SHANK2: variants seen among roughly 807,000 people sequenced by gnomAD.
SHANK2 encodes SH3 and multiple ankyrin repeat domains protein 2.
SHANK2 carries 43 observed loss-of-function variants against 133.7 expected under a neutral mutation model. That is an observed-to-expected ratio of 0.32 (90% CI 0.25 to 0.41). SHANK2 has a LOEUF of 0.41. Ranked by LOEUF, SHANK2 falls within the 10% of genes least tolerant of loss-of-function variation. The pLI is 1.00. For synonymous variants in SHANK2, 1,017 were observed against 952.8 expected (o/e 1.07, Z -1.24); for missense variants, 1,994 against 2,235.8 (o/e 0.89, Z 2.18).
intron 15 of SHANK2, among the ~76,000 whole-genome samples, chr11:70,686,497 C>T (rs1945158185): frequency 6.6e-6 from 1 of 152,004 alleles, no homozygotes; most frequent in South Asian, 2.1e-4. Flanking sequence ...TCCAGCCATC[C>T]ATCATCTGTC....
intron 10 of SHANK2, among the ~76,000 whole-genome samples, chr11:70,909,535 G>A (rs75533996): frequency 0.064 from 9,685 of 152,286 alleles, 437 homozygotes; most frequent in Non-Finnish European, 0.094. Context: ...CATGCCTTGA[G>A]GAAGTAGAGC....
intron 11 of SHANK2, among the ~76,000 whole-genome samples, chr11:70,889,249 G>A (rs1351670622): frequency 6.6e-6 from 1 of 152,216 alleles, no homozygotes; most frequent in African/African-American, 2.4e-5. Flanking sequence ...GGGAAGCCAT[G>A]TGAAGACAGA....
intron 10 of SHANK2, chr11:70,952,790 C>A (rs1555086969): frequency 3.6e-6 from 1 of 279,790 alleles, no homozygotes; most frequent in Non-Finnish European, 7.4e-6. Context: ...AACTGACACC[C>A]ACCTATGGTC....
intron 10 of SHANK2, among the ~76,000 whole-genome samples, chr11:70,914,981 G>T (rs2135739023): frequency 6.6e-6 from 1 of 151,790 alleles, no homozygotes; most frequent in Non-Finnish European, 1.5e-5. Context: ...CAGGAATCTT[G>T]TAGGCTACAA....
At chr11:71,245,275 C>T (rs557417968) in intron 1 of SHANK2, among the ~76,000 whole-genome samples, 5 of 152,060 alleles carry the variant, frequency 3.3e-5, no homozygotes, top group Non-Finnish European at 5.9e-5. Context: ...CCACCTCGAC[C>T]GGCCTCACCA....
chr11:70,643,203 A>G (rs2061210433), intron 17 of SHANK2, among the ~76,000 whole-genome samples: 1 of 152,248 alleles, frequency 6.6e-6, no homozygotes, highest in African/African-American at 2.4e-5. Context: ...GAACTTTTGC[A>G]TAACATTTAT....
rs2135652195 is a variant in SHANK2, at chr11:70,471,291, A to ATAAT, written c.*1574_*1577dup. 2.5e-6 allele frequency: 1 copy of ATAAT among 398,882 alleles called. No individual in the cohort carries two copies. Among genetic ancestry groups the ATAAT allele is most frequent in the East Asian group, 3.6e-5 (1 of 28,084 alleles). The allele number at this position is 398,882 out of a possible 1,614,324, so 24.7% of individuals were successfully genotyped here. On this transcript the variant is annotated 3_prime_UTR_variant, in exon 26 of 26. Transcript: ENST00000601538. The surrounding 1 kb of genome is among the most constrained non-coding windows in gnomAD (Gnocchi z 4.1). ...AAAAAAAAAAACAAAACCATGTTTT[A>ATAAT]TAATTAGAGATGGGCTGAGCTAGTT...
intron 17 of SHANK2, among the ~76,000 whole-genome samples, chr11:70,504,923 C>A (rs2059115867): frequency 6.6e-6 from 1 of 151,938 alleles, no homozygotes; most frequent in Admixed American, 6.6e-5. Context: ...GGCTGTTGCT[C>A]ATTCATTCAT....
intron 9 of SHANK2, among the ~76,000 whole-genome samples, chr11:71,070,647 T>C (rs1951131028): frequency 6.6e-6 from 1 of 152,188 alleles, no homozygotes; most frequent in Non-Finnish European, 1.5e-5. Flanking sequence ...TAGAGAAGAA[T>C]GGCCTGCAGG....
At chr11:70,912,608 A>G (rs1950211739) in intron 10 of SHANK2, among the ~76,000 whole-genome samples, 1 of 152,202 alleles carries the variant, frequency 6.6e-6, no homozygotes, top group Non-Finnish European at 1.5e-5. Context: ...GTAAGTCCAC[A>G]TGCTAAACCA....
At chr11:70,664,288 AC>A (rs1339208109) in intron 15 of SHANK2, among the ~76,000 whole-genome samples, 4 of 151,798 alleles carry the variant, frequency 2.6e-5, no homozygotes, top group African/African-American at 9.7e-5. Context: ...GAGTCAGCCC[AC>A]CCCGGCCCCA....
chr11:71,186,280 T>C (rs111512618), intron 2 of SHANK2, among the ~76,000 whole-genome samples: 4,872 of 152,216 alleles, frequency 0.032, 119 homozygotes, highest in African/African-American at 0.068. Flanking sequence ...GCCTCACCCC[T>C]ACTCCTGGAA....
intron 14 of SHANK2, among the ~76,000 whole-genome samples, chr11:70,769,588 C>T (rs536784436): frequency 9.2e-5 from 14 of 152,256 alleles, no homozygotes; most frequent in African/African-American, 2.2e-4. Context: ...GAGCCTTCTG[C>T]GAGAGCACAT....
intron 14 of SHANK2, among the ~76,000 whole-genome samples, chr11:70,797,368 C>G (rs1947936394): frequency 6.6e-6 from 1 of 152,220 alleles, no homozygotes. Context: ...CTCAATACCC[C>G]ACAATACCGT....
intron 8 of SHANK2, among the ~76,000 whole-genome samples, chr11:71,092,083 G>A (rs1951528662): frequency 6.6e-6 from 1 of 152,088 alleles, no homozygotes; most frequent in Non-Finnish European, 1.5e-5. Context: ...TCAGGACGGT[G>A]GGAACTTGGA....
At chr11:70,558,089 G>A (rs1189212025) in intron 17 of SHANK2, among the ~76,000 whole-genome samples, 1 of 152,198 alleles carries the variant, frequency 6.6e-6, no homozygotes, top group African/African-American at 2.4e-5. Context: ...ATGCTCTCTG[G>A]CTGTTCCGTG....
intron 11 of SHANK2, among the ~76,000 whole-genome samples, chr11:70,885,664 C>T (rs2135597303): frequency 6.6e-6 from 1 of 152,248 alleles, no homozygotes; most frequent in African/African-American, 2.4e-5. Context: ...GCAGGAGCTC[C>T]GGCCTCACTG....
chr11:70,946,205 C>CACTAACCAACCCTTCCCA (rs1950728753), intron 10 of SHANK2, among the ~76,000 whole-genome samples: 1 of 139,662 alleles, frequency 7.2e-6, no homozygotes, highest in African/African-American at 2.8e-5. Context: ...CCTCCCTCTC[C>CACTAACCAACCCTTCCCA]GCTAACCAAC....
chr11:71,115,274 A>G (rs913389212), intron 4 of SHANK2, among the ~76,000 whole-genome samples: 3 of 152,152 alleles, frequency 2.0e-5, no homozygotes, highest in Non-Finnish European at 4.4e-5. Flanking sequence ...GTTTGAGACC[A>G]GCCTGGCCAA....
Sources: gnomAD v4.1 joint callset for allele counts (sites outside exome capture counted in the v4.1 genomes callset) on GRCh38, gnomAD v4.1.1 for gene constraint, Gnocchi (gnomAD v3.1) non-coding constraint, MANE v1.5 for transcripts, NCBI Gene and HGNC (gene_info 2026-07-23, HGNC 2026-07-21) for gene names.